Variants in TLK2 observed in about 807,000 individuals in gnomAD.
TLK2 encodes the protein serine/threonine-protein kinase tousled-like 2.
Under a neutral mutation model 117.3 loss-of-function variants are expected in TLK2, and 6 were observed. The ratio of observed to expected loss-of-function variants is 0.05; its 90% CI spans 0.03 to 0.10. TLK2 has a LOEUF of 0.10. Among genes scored for constraint, TLK2 ranks in the 10% least tolerant of loss-of-function variants. The pLI, the probability that TLK2 is intolerant of heterozygous loss-of-function variation, is 1.00. For synonymous variants in TLK2, 257 were observed against 316.7 expected, an observed-to-expected ratio of 0.81 and a Z score of 2.00; for missense variants, 299 against 901.2, an observed-to-expected ratio of 0.33 and a Z score of 8.56.
intron 11 of TLK2, among the ~76,000 whole-genome samples, chr17:62,566,577 A>G (rs1950818149): frequency 6.6e-6 from 1 of 152,210 alleles, no homozygotes; most frequent in African/African-American, 2.4e-5. Context: ...CCAGACATTC[A>G]GAGCAGCATT....
chr17:62,593,777 G>A (rs569974199), intron 16 of TLK2, among the ~76,000 whole-genome samples: 1 of 150,550 alleles, frequency 6.6e-6, no homozygotes, highest in East Asian at 2.0e-4. Context: ...ATAAGTAGAA[G>A]TGGTACACTC....
intron 1 of TLK2, among the ~76,000 whole-genome samples, chr17:62,479,636 T>C (rs2071374846): frequency 6.6e-6 from 1 of 151,480 alleles, no homozygotes; most frequent in African/African-American, 2.4e-5. Flanking sequence ...TTGGGGAAAG[T>C]TTGGAGCCGG....
At chr17:62,612,277 C>T (rs1291853529) in intron 21 of TLK2, 115 bp from the exon 22 acceptor site, 3 of 1,165,476 alleles carry the variant, frequency 2.6e-6, no homozygotes, top group Admixed American at 2.4e-5. Flanking sequence ...GCCTTAAGCC[C>T]CTTCTCTTTA....
intron 1 of TLK2, among the ~76,000 whole-genome samples, chr17:62,480,735 T>C (rs948945680): frequency 3.9e-5 from 6 of 152,224 alleles, no homozygotes; most frequent in Non-Finnish European, 8.8e-5. Flanking sequence ...GAAATAAATA[T>C]CTGAAGATAC....
intron 7 of TLK2, among the ~76,000 whole-genome samples, chr17:62,541,717 C>G (rs2077547674): frequency 6.6e-6 from 1 of 151,420 alleles, no homozygotes; most frequent in Non-Finnish European, 1.5e-5. Flanking sequence ...CTTGGAACTT[C>G]TGGGTTCAAG....
At chr17:62,588,760 A>G (rs2081849701) in intron 16 of TLK2, among the ~76,000 whole-genome samples, 1 of 152,198 alleles carries the variant, frequency 6.6e-6, no homozygotes. Context: ...GTGATATAAA[A>G]TCATACTCAT....
At chr17:62,559,107 A>C (rs551367241) in intron 9 of TLK2, among the ~76,000 whole-genome samples, 2 of 152,212 alleles carry the variant, frequency 1.3e-5, no homozygotes, top group South Asian at 4.1e-4. Context: ...GGAGGCTTTA[A>C]GTTTTTAGTC....
chr17:62,593,744 T>C (rs959899087), intron 16 of TLK2, among the ~76,000 whole-genome samples: 3 of 151,906 alleles, frequency 2.0e-5, no homozygotes, highest in Non-Finnish European at 2.9e-5. Context: ...TGAGGCTGTT[T>C]TGTAGTTAAT....
intron 2 of TLK2, among the ~76,000 whole-genome samples, chr17:62,520,084 A>C (rs1439669024): frequency 8.5e-5 from 13 of 152,174 alleles, no homozygotes; most frequent in Non-Finnish European, 1.5e-5. Context: ...GGACAATAGC[A>C]AGCTTTTCTG....
intron 7 of TLK2, among the ~76,000 whole-genome samples, chr17:62,542,108 A>G (rs1384550144): frequency 6.6e-6 from 1 of 152,150 alleles, no homozygotes; most frequent in Admixed American, 6.5e-5. Context: ...ATCATAAGCA[A>G]ATAGTTTCCT....
rs1389214155 is a variant in TLK2 at position 62,560,237 on chromosome 17, T to C, written c.831+111T>C. 27 of 794,126 alleles carry C rather than the reference T, an allele frequency of 3.4e-5. 1 individual carries two copies. Among genetic ancestry groups the C allele is most frequent in the Admixed American group, 2.2e-4 (6 of 27,172 alleles). The allele number at this position is 794,126 out of a possible 1,614,324, so 49.2% of individuals were successfully genotyped here. On this transcript the variant is annotated intron_variant, in intron 10 of 21. Transcript: ENST00000346027. ...GAAAATATTTAAAAGTAGAGCTTTT[T>C]AGGAACATGATTTGACAATTAGAAT...
At chr17:62,497,097 A>C (rs1159188769) in intron 2 of TLK2, among the ~76,000 whole-genome samples, 1 of 152,030 alleles carries the variant, frequency 6.6e-6, no homozygotes, top group East Asian at 1.9e-4. Context: ...TCTCTCCAAA[A>C]AATACAAATA....
intron 9 of TLK2, among the ~76,000 whole-genome samples, chr17:62,555,470 T>TAA (rs1031069495): frequency 5.3e-5 from 8 of 151,632 alleles, no homozygotes; most frequent in Middle Eastern, 3.4e-3. Flanking sequence ...CTGGTGTGTT[T>TAA]ATATTATTAT....
intron 7 of TLK2, among the ~76,000 whole-genome samples, chr17:62,542,251 C>A (rs1449116944): frequency 1.3e-5 from 2 of 152,148 alleles, no homozygotes; most frequent in Non-Finnish European, 2.9e-5. Flanking sequence ...CTAAGGATTA[C>A]CATTTTAATG....
At chr17:62,549,420 A>AAGT (rs2078245302) in intron 7 of TLK2, among the ~76,000 whole-genome samples, 1 of 7,452 alleles carries the variant, frequency 1.3e-4, no homozygotes, top group Non-Finnish European at 1.4e-3. Context: ...AAAAAAAAAA[A>AAGT]AAAAAAAAAA....
At chr17:62,597,869 A>G (rs1449978170) in intron 17 of TLK2, among the ~76,000 whole-genome samples, 1 of 152,162 alleles carries the variant, frequency 6.6e-6, no homozygotes, top group Non-Finnish European at 1.5e-5. Context: ...GCATTTGGAA[A>G]TGTTTCTCTG....
intron 2 of TLK2, among the ~76,000 whole-genome samples, chr17:62,486,185 C>G (rs1326232517): frequency 3.3e-5 from 5 of 151,932 alleles, no homozygotes; most frequent in Admixed American, 6.6e-5. Flanking sequence ...GAGACGGGGT[C>G]TCACTCTGTC....
intron 10 of TLK2, 38 bp downstream of exon 10, chr17:62,560,164 G>T (rs1371610444): frequency 7.3e-7 from 1 of 1,364,620 alleles, no homozygotes; most frequent in Non-Finnish European, 1.0e-6. Context: ...TGTATCCCAA[G>T]ATACTCAATG....
chr17:62,477,077 C>T (rs567632640), upstream of TLK2, among the ~76,000 whole-genome samples: 1 of 151,532 alleles, frequency 6.6e-6, no homozygotes, highest in East Asian at 1.9e-4. Flanking sequence ...GGCGACAGAG[C>T]GAGACTCTGT....
Sources: gnomAD v4.1 joint callset for allele counts (sites outside exome capture counted in the v4.1 genomes callset) on GRCh38, gnomAD v4.1.1 for gene constraint, MANE v1.5 for transcripts, NCBI Gene and HGNC (gene_info 2026-07-23, HGNC 2026-07-21) for gene names.